TSHR: variants seen among roughly 807,000 people sequenced by gnomAD.
TSHR encodes the protein thyroid stimulating hormone receptor, also known as thyrotropin receptor.
TSHR carries 51 observed loss-of-function variants against 64.1 expected under a neutral mutation model. The observed-to-expected ratio is 0.80, with a 90% CI of 0.64 to 1.01. The LOEUF (loss-of-function observed/expected upper bound fraction) is 1.01. Among genes scored for constraint, TSHR ranks in the 50% least tolerant of loss-of-function variants. The probability of loss-of-function intolerance (pLI) is 0.00; values close to 1 mark genes in which losing one functional copy is unlikely to be tolerated. For synonymous variants in TSHR, 361 were observed against 361.9 expected, an observed-to-expected ratio of 1.00 and a Z score of 0.03; for missense variants, 877 against 942.8, an observed-to-expected ratio of 0.93 and a Z score of 0.91.
intron 8 of TSHR, among the ~76,000 whole-genome samples, chr14:81,115,353 A>G (rs1000918665): frequency 1.2e-4 from 18 of 149,336 alleles, no homozygotes; most frequent in Admixed American, 2.0e-4. Context: ...ATGGAGCTGA[A>G]GACCAAGGCT....
chr14:81,105,417 T>A (rs1051889863), intron 7 of TSHR, among the ~76,000 whole-genome samples: 1 of 152,082 alleles, frequency 6.6e-6, no homozygotes, highest in Non-Finnish European at 1.5e-5. Flanking sequence ...GAAGGCAGAG[T>A]GATGGTTTCA....
chr14:81,004,973 C>T (rs1594941914), intron 1 of TSHR, among the ~76,000 whole-genome samples: 1 of 152,190 alleles, frequency 6.6e-6, no homozygotes, highest in African/African-American at 2.4e-5. Context: ...TAGGAATCCC[C>T]ACCTTAAGGG....
chr14:81,085,351 CAA>C, intron 3 of TSHR, among the ~76,000 whole-genome samples: 1 of 152,212 alleles, frequency 6.6e-6, no homozygotes, highest in Non-Finnish European at 1.5e-5. Flanking sequence ...AGATACTTTT[CAA>C]AAGTCACTTG....
intron 1 of TSHR, among the ~76,000 whole-genome samples, chr14:80,975,212 A>G (rs1887804868): frequency 6.6e-6 from 1 of 152,192 alleles, no homozygotes; most frequent in Non-Finnish European, 1.5e-5. Flanking sequence ...TATTTTGAAG[A>G]ACACAAATGT....
Position 81,090,935 on chromosome 14 carries a change from G to T in TSHR, c.393-134G>T, listed in dbSNP as rs10147011. ...TGCCCATAGTTACTCAGATATTTAGGGAAGGTGTTGGGAGTTTGACTACAG... is the reference window on the plus strand; with the variant it reads ...TGCCCATAGTTACTCAGATATTTAGTGAAGGTGTTGGGAGTTTGACTACAG... On this transcript the variant is annotated intron_variant, in intron 4 of 9. Coordinates refer to ENST00000298171, the MANE Select transcript of TSHR (RefSeq NM_000369.5). 126,254 of 724,848 alleles carry T rather than the reference G, an allele frequency of 0.17. 15,565 individuals are homozygous for T. Among genetic ancestry groups the T allele is most frequent in the African/African-American group, 0.51 (28,757 of 56,812 alleles). 44.9% of individuals were successfully genotyped at this position (724,848 alleles called of 1,614,324 possible).
intron 1 of TSHR, among the ~76,000 whole-genome samples, chr14:80,979,110 C>T (rs1169477274): frequency 5.9e-5 from 9 of 152,222 alleles, no homozygotes; most frequent in East Asian, 1.9e-4. Context: ...ATGGATCCAT[C>T]GGTTACCCGG....
At chr14:80,957,078 C>G (rs1886733875) in intron 1 of TSHR, among the ~76,000 whole-genome samples, 1 of 152,202 alleles carries the variant, frequency 6.6e-6, no homozygotes, top group Admixed American at 6.5e-5. Context: ...ACTTCCCCCT[C>G]CTGCTGAGAA....
chr14:81,065,256 G>C (rs544792333), intron 2 of TSHR, among the ~76,000 whole-genome samples: 1 of 152,088 alleles, frequency 6.6e-6, no homozygotes, highest in African/African-American at 2.4e-5. Context: ...GCAGTTGAAG[G>C]TTCTGCTAGG....
intron 1 of TSHR, among the ~76,000 whole-genome samples, chr14:80,972,981 G>T (rs188059910): frequency 2.0e-5 from 3 of 152,102 alleles, no homozygotes; most frequent in Non-Finnish European, 4.4e-5. Context: ...GAAAACAGAT[G>T]TAAACAGGCC....
chr14:81,027,670 A>T (rs938209660), intron 1 of TSHR, among the ~76,000 whole-genome samples: 1 of 152,094 alleles, frequency 6.6e-6, no homozygotes, highest in Non-Finnish European at 1.5e-5. Flanking sequence ...AACGTAGGGG[A>T]AAAAAACCTA....
At chr14:81,015,605 A>G (rs1890140594) in intron 1 of TSHR, among the ~76,000 whole-genome samples, 1 of 152,196 alleles carries the variant, frequency 6.6e-6, no homozygotes, top group African/African-American at 2.4e-5. Flanking sequence ...CATATGCATT[A>G]CCTTACATAT....
At chr14:81,068,990 A>T (rs540303354) in intron 3 of TSHR, among the ~76,000 whole-genome samples, 1 of 152,216 alleles carries the variant, frequency 6.6e-6, no homozygotes, top group Non-Finnish European at 1.5e-5. Context: ...ACAATCTATA[A>T]AAAGTGTTAC....
intron 1 of TSHR, among the ~76,000 whole-genome samples, chr14:81,025,480 G>A (rs1253308330): frequency 6.6e-6 from 1 of 151,700 alleles, no homozygotes; most frequent in Non-Finnish European, 1.5e-5. Flanking sequence ...GAGAAGAGAT[G>A]GGAAGTTGGT....
rs1443233495 is a variant in TSHR, at chr14:81,108,435, C to T, written c.675C>T (p.Tyr225=). 1 of 1,612,880 alleles carries T rather than the reference C, an allele frequency of 6.2e-7. No individual in the cohort carries two copies. The highest frequency in any genetic ancestry group is 8.5e-7 in the Non-Finnish European group (1 of 1,179,804). The part of the protein sequence containing the change: ...VIDKDAFGGV[Y]SGPSLLDVSQ... ...ACAAAGATGCATTTGGAGGAGTATACAGTGGACCAAGCTTGCTGTGAGTAA... is the reference window on the plus strand; with the variant it reads ...ACAAAGATGCATTTGGAGGAGTATATAGTGGACCAAGCTTGCTGTGAGTAA... The change falls in exon 8 of 10, where the codon TAC becomes TAT. Residue 225 remains tyrosine (Y), a synonymous_variant. Transcript: ENST00000298171.
chr14:81,135,345 C>T (rs987115530), intron 8 of TSHR, among the ~76,000 whole-genome samples: 10 of 152,158 alleles, frequency 6.6e-5, no homozygotes, highest in African/African-American at 2.2e-4. Flanking sequence ...AGCTGGAAAG[C>T]AATATAAGAT....
In TSHR at chr14:81,058,114, C is replaced by T. The variant is rs1313191593; in HGVS notation, c.171-4034C>T. 2.0e-5 allele frequency among the ~76,000 whole-genome samples: 3 copies of T among 152,298 alleles called. No individual in the cohort carries two copies. In the South Asian group the frequency reaches 6.2e-4, roughly 32 times the overall value. ...GAACTGTCAGCTCTCTTTACATTAACCATATTTCTCTCCCCCATTGCTACT... is the reference window on the plus strand; with the variant it reads ...GAACTGTCAGCTCTCTTTACATTAATCATATTTCTCTCCCCCATTGCTACT... On this transcript the variant is annotated intron_variant, in intron 1 of 9. Transcript: ENST00000298171.
At chr14:81,053,684 T>C (rs1265945472) in intron 1 of TSHR, 2 of 152,206 alleles carry the variant, frequency 1.3e-5, no homozygotes, top group Non-Finnish European at 2.9e-5. Flanking sequence ...TACACTTACC[T>C]ATGATCCATA....
rs1210309141 is a variant in TSHR at position 81,143,452 on chromosome 14, T to C, written c.1394T>C (p.Met465Thr). 1.2e-6 allele frequency: 2 copies of C among 1,614,226 alleles called. No individual in the cohort carries two copies. The highest frequency in any genetic ancestry group is 1.1e-5 in the South Asian group (1 of 91,090). Residue 465 changes from methionine to threonine, a missense_variant, in exon 10 of 10, where the codon ATG becomes ACG. Coordinates refer to ENST00000298171, the MANE Select transcript of TSHR (RefSeq NM_000369.5). ...GCCTTTGCGGATTTCTGCATGGGGATGTACCTGCTCCTCATCGCCTCTGTA... is the reference window on the plus strand; with the variant it reads ...GCCTTTGCGGATTTCTGCATGGGGACGTACCTGCTCCTCATCGCCTCTGTA... ...NLAFADFCMG[M>T]YLLLIASVDL...
intron 1 of TSHR, among the ~76,000 whole-genome samples, chr14:81,025,300 T>A (rs1215515077): frequency 6.6e-6 from 1 of 152,214 alleles, no homozygotes; most frequent in African/African-American, 2.4e-5. Context: ...CCAGGCCATA[T>A]GGTTCAACTG....
Sources: allele counts gnomAD v4.1 joint callset (sites outside exome capture counted in the v4.1 genomes callset), GRCh38; gene constraint gnomAD v4.1.1; transcripts MANE v1.5; gene names NCBI Gene and HGNC (gene_info 2026-07-23, HGNC 2026-07-21).